Variants in FPR3 observed in about 807,000 individuals in gnomAD.
FPR3 encodes the protein N-formyl peptide receptor 3.
For synonymous variants in FPR3, 135 were observed against 163.6 expected (o/e 0.83, Z 1.34); for missense variants, 346 against 443.2 (o/e 0.78, Z 1.97).
At chr19:51,820,185 G>A (rs1307749421) in intron 1 of FPR3, among the ~76,000 whole-genome samples, 4 of 152,208 alleles carry the variant, frequency 2.6e-5, no homozygotes, top group African/African-American at 7.2e-5. Flanking sequence ...TAATGCATCA[G>A]AAATCACACG....
chr19:51,816,219 A>G (rs2084135944), intron 1 of FPR3, among the ~76,000 whole-genome samples: 1 of 152,160 alleles, frequency 6.6e-6, no homozygotes, highest in South Asian at 2.1e-4. Flanking sequence ...TGCCCTATGC[A>G]TCTATTTTGA....
intron 1 of FPR3, among the ~76,000 whole-genome samples, chr19:51,797,016 G>T (rs1008432780): frequency 6.6e-6 from 1 of 152,218 alleles, no homozygotes; most frequent in African/African-American, 2.4e-5. Context: ...AAGAGGAAGA[G>T]AATCGAGCTG....
At chr19:51,808,349 CT>C (rs1469111070) in intron 1 of FPR3, among the ~76,000 whole-genome samples, 1 of 152,098 alleles carries the variant, frequency 6.6e-6, no homozygotes, top group Non-Finnish European at 1.5e-5. Flanking sequence ...TTGTTTGTAC[CT>C]TTTCTAGAGC....
chr19:51,797,527 A>G (rs2084007109), intron 1 of FPR3, among the ~76,000 whole-genome samples: 1 of 152,208 alleles, frequency 6.6e-6, no homozygotes, highest in Non-Finnish European at 1.5e-5. Context: ...TCCCACCTCA[A>G]TCTAAGTCTT....
chr19:51,805,158 C>T (rs1318839961), intron 1 of FPR3: 1 of 152,170 alleles, frequency 6.6e-6, no homozygotes, highest in East Asian at 1.9e-4. Context: ...GCCTTCGGCT[C>T]CCTGCATATC....
rs2084058770 is a variant in FPR3 at position 51,806,363 on chromosome 19, CCTT to C, written c.-11+11038_-11+11040del. ...TAAATCCACCGGGCCTTTCCATTGT[CCTT>C]CTTCTGGGGATTTCCATAACACTTT... On this transcript the variant is annotated intron_variant, in intron 1 of 1. Coordinates refer to ENST00000339223, the MANE Select transcript of FPR3 (RefSeq NM_002030.5). Among the ~76,000 whole-genome samples, 7 of 152,208 alleles carry C rather than the reference CCTT, an allele frequency of 4.6e-5. No homozygotes were observed. The South Asian group carries it at 1.4e-3, about 32-fold the overall frequency.
At chr19:51,806,166 C>T (rs2084057350) in intron 1 of FPR3, among the ~76,000 whole-genome samples, 1 of 152,170 alleles carries the variant, frequency 6.6e-6, no homozygotes, top group Non-Finnish European at 1.5e-5. Context: ...TTCTCTCCAT[C>T]TTTGCACTCA....
chr19:51,795,690 T>C (rs1482003178), intron 1 of FPR3, among the ~76,000 whole-genome samples: 2 of 151,712 alleles, frequency 1.3e-5, no homozygotes, highest in Non-Finnish European at 1.5e-5. Flanking sequence ...ATTTTTTGTA[T>C]TTTTAGTAGA....
chr19:51,797,943 G>T (rs2122407806), intron 1 of FPR3, among the ~76,000 whole-genome samples: 1 of 125,240 alleles, frequency 8.0e-6, no homozygotes, highest in East Asian at 2.5e-4. Flanking sequence ...GTGTAGTGGT[G>T]CAATCTCAGC....
chr19:51,824,777 A>C lies in FPR3; in HGVS notation c.1029A>C (p.Ser343=). The C allele has an allele frequency of 3.7e-6, 6 of 1,613,332 alleles. No individual in the cohort carries two copies. Among genetic ancestry groups the C allele is most frequent in the Non-Finnish European group, 5.1e-6 (6 of 1,179,746 alleles). ...GCAACACAGACACCACTTCTGCTTCACCTCCTGAGGAGACGGAGTTACAAG... is the reference window on the plus strand; with the variant it reads ...GCAACACAGACACCACTTCTGCTTCCCCTCCTGAGGAGACGGAGTTACAAG... ...QTSNTDTTSA[S]PPEETELQAM Residue 343 remains serine (S), a synonymous_variant, in exon 2 of 2, where the codon TCA becomes TCC. Coordinates refer to ENST00000339223, the MANE Select transcript of FPR3 (RefSeq NM_002030.5). The surrounding 1 kb of genome is among the most constrained non-coding windows in gnomAD (Gnocchi z 4.7).
intron 1 of FPR3, among the ~76,000 whole-genome samples, chr19:51,798,623 C>T (rs1028172438): frequency 3.9e-5 from 6 of 152,132 alleles, no homozygotes; most frequent in African/African-American, 1.4e-4. Context: ...GTCTGGTTTA[C>T]AAATCTTCCT....
chr19:51,811,956 T>C (rs1167371586), intron 1 of FPR3, among the ~76,000 whole-genome samples: 1 of 152,180 alleles, frequency 6.6e-6, no homozygotes, highest in Admixed American at 6.5e-5. Flanking sequence ...CCACTAAATG[T>C]ACTCACTTTG....
At chr19:51,818,876 G>A (rs1011696386) in intron 1 of FPR3, among the ~76,000 whole-genome samples, 24 of 152,290 alleles carry the variant, frequency 1.6e-4, no homozygotes, top group Admixed American at 1.6e-3. Context: ...TAACATCATT[G>A]TCTTATTTTT....
intron 1 of FPR3, among the ~76,000 whole-genome samples, chr19:51,818,498 T>C (rs1342771157): frequency 1.3e-5 from 2 of 152,070 alleles, no homozygotes; most frequent in Non-Finnish European, 2.9e-5. Flanking sequence ...TGATAGAAAA[T>C]AAATGAACAA....
At position 51,823,778 on chromosome 19, in the gene FPR3, T is replaced by G. The variant is rs770401673; in HGVS notation, c.30T>G (p.Asn10Lys). Residue 10 changes from asparagine to lysine, a missense_variant, in exon 2 of 2, where the codon AAT becomes AAG. Physicochemically the swap from Asn to Lys is moderately conservative, Grantham distance 94. Coordinates refer to ENST00000339223, the MANE Select transcript of FPR3 (RefSeq NM_002030.5). ...AAACCAACTTCTCCATTCCTCTGAA[T>G]GAAACTGAGGAGGTGCTCCCTGAGC... METNFSIPL[N>K]ETEEVLPEPA... 6.2e-7 allele frequency: 1 copy of G among 1,605,290 alleles called. No homozygotes were observed.
rs1196617397 is a variant in FPR3 at position 51,824,321 on chromosome 19, G to A, written c.573G>A (p.Leu191=). The A allele has an allele frequency of 3.1e-6, 5 of 1,614,128 alleles. No homozygotes were observed. Among genetic ancestry groups the A allele is most frequent in the Non-Finnish European group, 4.2e-6 (5 of 1,179,996 alleles). Residue 191 remains leucine, a synonymous_variant, in exon 2 of 2, where the codon TTG becomes TTA. Coordinates refer to ENST00000339223, the MANE Select transcript of FPR3 (RefSeq NM_002030.5). This position sits in a 1 kb window ranked among gnomAD's most constrained non-coding sequence, Gnocchi z 4.7. ...AFWGDTAVER[L]NVFITMAKVF... ...GGGGTGACACTGCTGTAGAGAGGTT[G>A]AACGTGTTCATTACCATGGCCAAGG... is the stretch of plus-strand genomic sequence containing the variant.
intron 1 of FPR3, chr19:51,811,698 G>A (rs889726092): frequency 6.6e-6 from 1 of 152,174 alleles, no homozygotes; most frequent in African/African-American, 2.4e-5. Flanking sequence ...GATGAACACG[G>A]GAATAAAAGA....
At chr19:51,799,651 C>T (rs575519572) in intron 1 of FPR3, among the ~76,000 whole-genome samples, 1 of 152,326 alleles carries the variant, frequency 6.6e-6, no homozygotes, top group South Asian at 2.1e-4. Context: ...TGGAGATTCT[C>T]CAGAAATTCC....
At chr19:51,798,428 A>G (rs1452874364) in intron 1 of FPR3, among the ~76,000 whole-genome samples, 1 of 152,194 alleles carries the variant, frequency 6.6e-6, no homozygotes, top group Non-Finnish European at 1.5e-5. Flanking sequence ...CCTGAGCTAC[A>G]CTAAACAATG....
Sources: gnomAD v4.1 joint callset for allele counts (sites outside exome capture counted in the v4.1 genomes callset) on GRCh38, gnomAD v4.1.1 for gene constraint, Gnocchi (gnomAD v3.1) non-coding constraint, MANE v1.5 for transcripts, NCBI Gene and HGNC (gene_info 2026-07-23, HGNC 2026-07-21) for gene names.